HNRNPR: variants seen among roughly 807,000 people sequenced by gnomAD.
The protein encoded by HNRNPR is heterogeneous nuclear ribonucleoprotein R.
Under a neutral mutation model 70.3 loss-of-function variants are expected in HNRNPR, and 4 were observed. The ratio of observed to expected loss-of-function variants is 0.06; its 90% CI spans 0.03 to 0.13. The LOEUF (loss-of-function observed/expected upper bound fraction) is 0.13, where lower values mean the gene tolerates loss of function less well. Among genes scored for constraint, HNRNPR ranks in the 10% least tolerant of loss-of-function variants. HNRNPR has a pLI of 1.00. For synonymous variants in HNRNPR, 241 were observed against 267.6 expected (o/e 0.90, Z 0.97); for missense variants, 423 against 788.5 (o/e 0.54, Z 5.55).
chr1:23,315,008 G>A (rs1046191021), intron 8 of HNRNPR, among the ~76,000 whole-genome samples: 4 of 152,086 alleles, frequency 2.6e-5, no homozygotes, highest in South Asian at 2.1e-4. Context: ...GGCTGGGCGC[G>A]GTGGCTCACG....
intron 5 of HNRNPR, among the ~76,000 whole-genome samples, chr1:23,330,462 G>C (rs888407695): frequency 2.6e-5 from 4 of 152,104 alleles, no homozygotes; most frequent in African/African-American, 4.8e-5. Flanking sequence ...TTGAACCTGG[G>C]AGGCGGAGGT....
chr1:23,323,562 C>T lies in HNRNPR; in HGVS notation c.669G>A (p.Val223=). The T allele has an allele frequency of 6.2e-7, 1 of 1,613,194 alleles. No individual in the cohort carries two copies. Among genetic ancestry groups the T allele is most frequent in the Non-Finnish European group, 8.5e-7 (1 of 1,179,388 alleles). Residue 223 remains valine (V), a synonymous_variant, in exon 6 of 11, where the codon GTG becomes GTA. Transcript: ENST00000302271. ...GTGGATAATTATCACATACCAGTTT[C>T]ACGGCTTCCTGTGCAGCTTCCTTTC... The part of the protein sequence containing the change: ...FCGKEAAQEA[V]KLCDSYEIRP...
chr1:23,337,257 T>C (rs1000020640), intron 4 of HNRNPR, among the ~76,000 whole-genome samples: 5 of 151,846 alleles, frequency 3.3e-5, no homozygotes, highest in Admixed American at 6.6e-5. Flanking sequence ...TGAGGAAGAG[T>C]ATGAATTAGG....
intron 9 of HNRNPR, 40 bp from the exon 10 acceptor site, chr1:23,311,362 A>G (rs1402603588): frequency 7.4e-7 from 1 of 1,346,204 alleles, no homozygotes; most frequent in East Asian, 2.5e-5. Context: ...ACGATATAAA[A>G]CTGTATTTTG....
chr1:23,314,467 ATC>A (rs746157650), intron 8 of HNRNPR, among the ~76,000 whole-genome samples: 3 of 152,194 alleles, frequency 2.0e-5, no homozygotes, highest in East Asian at 1.9e-4. Flanking sequence ...CAAACAGCTA[ATC>A]TCTCTTTTAT....
At chr1:23,332,594 G>A (rs1646283486) in intron 5 of HNRNPR, among the ~76,000 whole-genome samples, 1 of 151,474 alleles carries the variant, frequency 6.6e-6, no homozygotes, top group Non-Finnish European at 1.5e-5. Flanking sequence ...CAGTTACTTG[G>A]GAGGCTGAGG....
At position 23,323,693 on chromosome 1, in the gene HNRNPR, C is replaced by T. The variant is rs745764025; in HGVS notation, c.538G>A (p.Glu180Lys). The change falls in exon 6 of 11, where the codon GAG becomes AAG. Residue 180 changes from glutamate (E) to lysine (K), a missense_variant. By Grantham distance (56) the Glu-to-Lys change is moderately conservative. This residue lies in a region of HNRNPR where 118 missense variants were observed against 239.3 expected (regional missense o/e 0.49). Transcript: ENST00000302271. ...GKIPRDLYED[E>K]LVPLFEKAGP... Reference sequence around the variant, plus strand: ...GCCTTCTCAAAAAGGGGCACCAACTCATCCTCATATAAATCCCTTGGTATT... The same window carrying T: ...GCCTTCTCAAAAAGGGGCACCAACTTATCCTCATATAAATCCCTTGGTATT... 2 of 1,614,082 alleles carry T rather than the reference C, an allele frequency of 1.2e-6. No individual in the cohort carries two copies. The highest frequency in any genetic ancestry group is 1.7e-6 in the Non-Finnish European group (2 of 1,179,976).
intron 4 of HNRNPR, among the ~76,000 whole-genome samples, chr1:23,337,509 TA>T (rs1242165674): frequency 6.6e-6 from 1 of 151,868 alleles, no homozygotes; most frequent in African/African-American, 2.4e-5. Flanking sequence ...TACAAATAAT[TA>T]GCTGGGTGTG....
intron 3 of HNRNPR, 71 bp downstream of exon 3, chr1:23,338,419 G>A: frequency 1.6e-6 from 1 of 629,944 alleles, no homozygotes; most frequent in Non-Finnish European, 2.6e-6. Flanking sequence ...CTTCTCCATA[G>A]GAAAAAAAGT....
intron 7 of HNRNPR, among the ~76,000 whole-genome samples, chr1:23,320,659 C>T (rs80107652): frequency 1.3e-5 from 2 of 152,154 alleles, no homozygotes; most frequent in African/African-American, 4.8e-5. Context: ...GGGGAGGCAG[C>T]GGTCTAACGC....
chr1:23,339,624 G>T (rs1040562289), intron 2 of HNRNPR, among the ~76,000 whole-genome samples: 4 of 152,172 alleles, frequency 2.6e-5, no homozygotes, highest in Admixed American at 1.3e-4. Context: ...AAGCTAAAAA[G>T]AACTTTATTC....
intron 5 of HNRNPR, among the ~76,000 whole-genome samples, chr1:23,332,968 G>C (rs1199352850): frequency 1.3e-5 from 2 of 152,160 alleles, no homozygotes; most frequent in Admixed American, 1.3e-4. Flanking sequence ...TGGATAACTT[G>C]AGGTCAGGAG....
At chr1:23,323,923 G>T (rs926638491) in intron 5 of HNRNPR, among the ~76,000 whole-genome samples, 191 bp from the exon 6 acceptor site, 3 of 151,868 alleles carry the variant, frequency 2.0e-5, no homozygotes, top group African/African-American at 7.3e-5. Flanking sequence ...GGTTATCAAA[G>T]AACAAGTCTC....
At chr1:23,317,175 G>A (rs1266602092) in intron 8 of HNRNPR, among the ~76,000 whole-genome samples, 1 of 152,090 alleles carries the variant, frequency 6.6e-6, no homozygotes. Flanking sequence ...ATGCAACTCT[G>A]AGGCCGGGCG....
chr1:23,325,257 A>C (rs1043611107), intron 5 of HNRNPR, among the ~76,000 whole-genome samples: 3 of 152,234 alleles, frequency 2.0e-5, no homozygotes, highest in Admixed American at 6.5e-5. Flanking sequence ...ACCATTTCAC[A>C]GTCTGAAAAA....
intron 5 of HNRNPR, among the ~76,000 whole-genome samples, chr1:23,328,753 G>A (rs561048675): frequency 3.9e-5 from 6 of 152,284 alleles, no homozygotes; most frequent in East Asian, 1.9e-4. Context: ...GCCAGCCTCA[G>A]CCTTCCAAAG....
chr1:23,318,469 G>T lies in HNRNPR; in HGVS notation c.1017+14C>A. ...AATGATGACCCTATGCCCATTCCAA[G>T]CAACTGTATTTACCTTAGCCATGAC... is the stretch of plus-strand genomic sequence containing the variant. On this transcript the variant is annotated intron_variant, in intron 8 of 10. Coordinates refer to ENST00000302271, the MANE Select transcript of HNRNPR (RefSeq NM_005826.5). The surrounding 1 kb of genome is among the most constrained non-coding windows in gnomAD (Gnocchi z 4.2). 1.2e-6 allele frequency: 2 copies of T among 1,605,034 alleles called. No homozygotes were observed. Among genetic ancestry groups the T allele is most frequent in the South Asian group, 1.1e-5 (1 of 90,898 alleles).
intron 5 of HNRNPR, among the ~76,000 whole-genome samples, chr1:23,325,846 T>G (rs1407975094): frequency 6.6e-6 from 1 of 152,152 alleles, no homozygotes; most frequent in Non-Finnish European, 1.5e-5. Flanking sequence ...TTATATTTAT[T>G]TCCTTTCACT....
chr1:23,319,204 C>T (rs1373211507), intron 7 of HNRNPR, among the ~76,000 whole-genome samples: 1 of 152,138 alleles, frequency 6.6e-6, no homozygotes, highest in Non-Finnish European at 1.5e-5. Flanking sequence ...GTCAGCTAGC[C>T]CTACTTTTAA....
Sources: allele counts gnomAD v4.1 joint callset (sites outside exome capture counted in the v4.1 genomes callset), GRCh38; gene constraint gnomAD v4.1.1; regional missense constraint gnomAD v4.1.1; non-coding constraint Gnocchi (gnomAD v3.1); transcripts MANE v1.5; gene names NCBI Gene and HGNC (gene_info 2026-07-23, HGNC 2026-07-21).